Variants in RMND1 observed in about 807,000 individuals in gnomAD.
RMND1 encodes required for meiotic nuclear division 1 homolog, also known as required for meiotic nuclear division protein 1 homolog.
Under a neutral mutation model 54.0 loss-of-function variants are expected in RMND1, and 41 were observed. That is an observed-to-expected ratio of 0.76 (90% confidence interval 0.59 to 0.98). The LOEUF is 0.98. Among genes scored for constraint, RMND1 ranks in the 50% least tolerant of loss-of-function variants. RMND1 has a pLI of 0.00. For synonymous variants in RMND1, 183 were observed against 181.7 expected (o/e 1.01, Z -0.06); for missense variants, 457 against 532.0 (o/e 0.86, Z 1.39).
chr6:151,433,270 G>A (rs1173284058), intron 3 of RMND1, 40 bp from the exon 4 acceptor site: 1 of 1,396,622 alleles, frequency 7.2e-7, no homozygotes, highest in Admixed American at 1.7e-5. Context: ...CTATGTCAAG[G>A]TAACACAAGT....
rs767902517 is a variant in RMND1 at position 151,445,631 on chromosome 6, C to A, written c.181G>T (p.Gly61Cys). ...DLFLPDKTAS[G>C]LNKSQILEMN... The stretch of plus-strand genomic sequence containing the variant: ...TCCAGGATCTGAGACTTATTCAAAC[C>A]ACTAGCTGTTTTATCAGGAAGGAAC... The change falls in exon 2 of 12, where the codon GGT (glycine) becomes TGT (cysteine). Residue 61 changes from glycine (G) to cysteine (C), a missense_variant. By Grantham distance (159) the Gly-to-Cys change is radical. Coordinates refer to ENST00000444024, the MANE Select transcript of RMND1 (RefSeq NM_017909.4). 9 of 1,614,008 alleles carry A rather than the reference C, an allele frequency of 5.6e-6. No homozygotes were observed. Among genetic ancestry groups the A allele is most frequent in the Non-Finnish European group, 7.6e-6 (9 of 1,180,030 alleles).
At position 151,427,488 on chromosome 6, in the gene RMND1, T is replaced by C. The variant is rs1327724909; in HGVS notation, c.824A>G (p.Lys275Arg). 6.3e-7 allele frequency: 1 copy of C among 1,594,966 alleles called. No individual in the cohort carries two copies. The highest frequency in any genetic ancestry group is 8.6e-7 in the Non-Finnish European group (1 of 1,163,260). ...HWENEELNYI[K>R]IEGQSKLHRG... is the part of the protein sequence containing the mutation. ...TTGATGAAAAGTTGCTTACTCTATT[T>C]TTATGTAGTTAAGTTCTTCATTTTC... Residue 275 changes from lysine (K) to arginine (R), a missense_variant, in exon 6 of 12, where the codon AAA becomes AGA. Lys to Arg is a conservative substitution (Grantham distance 26, BLOSUM62 2). Coordinates refer to ENST00000444024, the MANE Select transcript of RMND1 (RefSeq NM_017909.4).
intron 1 of RMND1, among the ~76,000 whole-genome samples, chr6:151,450,810 T>C (rs991197830): frequency 3.0e-4 from 45 of 152,066 alleles, no homozygotes; most frequent in Non-Finnish European, 1.5e-5. Context: ...GCCGTGTCTG[T>C]GTAGAAAGAA....
At chr6:151,431,731 A>G (rs147550354) in intron 4 of RMND1, among the ~76,000 whole-genome samples, 1 of 152,304 alleles carries the variant, frequency 6.6e-6, no homozygotes, top group African/African-American at 2.4e-5. Flanking sequence ...AAGTGAAAAA[A>G]TATCATTATT....
intron 9 of RMND1, among the ~76,000 whole-genome samples, chr6:151,418,045 A>G (rs888460921): frequency 6.6e-6 from 1 of 152,064 alleles, no homozygotes; most frequent in Non-Finnish European, 1.5e-5. Context: ...ACCTCACGTG[A>G]TCTGCCTACC....
chr6:151,442,243 A>C (rs1307229760), intron 2 of RMND1, among the ~76,000 whole-genome samples: 2 of 152,174 alleles, frequency 1.3e-5, no homozygotes, highest in South Asian at 2.1e-4. Context: ...ACAACCTATA[A>C]ATCATTAAAC....
intron 2 of RMND1, among the ~76,000 whole-genome samples, chr6:151,437,052 A>T (rs1490485237): frequency 6.6e-6 from 1 of 152,252 alleles, no homozygotes; most frequent in East Asian, 1.9e-4. Context: ...ACATTTAACA[A>T]AAAGGTCTGT....
rs1562796717 is a variant in RMND1, at chr6:151,436,559, T to C, written c.505-5A>G. 4.3e-6 allele frequency: 7 copies of C among 1,613,426 alleles called. No homozygotes were observed. The highest frequency in any genetic ancestry group is 5.9e-6 in the Non-Finnish European group (7 of 1,179,542). On this transcript the variant is annotated splice_region_variant and splice_polypyrimidine_tract_variant and intron_variant, in intron 2 of 11. Coordinates refer to ENST00000444024, the MANE Select transcript of RMND1 (RefSeq NM_017909.4). The stretch of plus-strand genomic sequence containing the variant: ...TGCTGTGCAGTGCATTAGGTCCTGT[T>C]CCAGGGAAATGAGCATAACATGGGT...
intron 8 of RMND1, among the ~76,000 whole-genome samples, chr6:151,422,199 A>G (rs1184175179): frequency 6.6e-6 from 1 of 152,168 alleles, no homozygotes; most frequent in African/African-American, 2.4e-5. Flanking sequence ...AGAAAAAAGA[A>G]TGGTTGCATC....
chr6:151,424,993 A>G (rs1037015534), intron 6 of RMND1, among the ~76,000 whole-genome samples: 3 of 151,974 alleles, frequency 2.0e-5, no homozygotes, highest in Admixed American at 6.6e-5. Context: ...CCCAGACTGG[A>G]GTGTAGTGGC....
chr6:151,411,241 G>T (rs575012281), intron 10 of RMND1: 2 of 152,426 alleles, frequency 1.3e-5, no homozygotes, highest in Non-Finnish European at 2.9e-5. Flanking sequence ...TTACAGGTGT[G>T]AGCCACCATG....
intron 2 of RMND1, among the ~76,000 whole-genome samples, chr6:151,438,974 C>T (rs974203808): frequency 3.3e-5 from 5 of 152,162 alleles, no homozygotes; most frequent in East Asian, 1.9e-4. Flanking sequence ...ATTAGCCAGG[C>T]GTGGTGGCAC....
rs3736175 is a variant in RMND1, at chr6:151,452,029, G to A, written c.-28C>T. ...CAATACACTAACCTCTCCGCCGGAA[G>A]AGAAGAAGGAAGCGCCAGGGACGCA... On this transcript the variant is annotated 5_prime_UTR_variant, in exon 1 of 12. Coordinates refer to ENST00000444024, the MANE Select transcript of RMND1 (RefSeq NM_017909.4). The A allele has an allele frequency of 0.1, 16,073 of 160,132 alleles. 1,037 individuals are homozygous for A. The highest frequency in any genetic ancestry group is 0.2 in the East Asian group (1,017 of 5,210). 9.9% of individuals were successfully genotyped at this position (160,132 alleles called of 1,614,324 possible).
chr6:151,430,350 T>C (rs1363636556), intron 4 of RMND1, 173 bp from the exon 5 acceptor site: 12 of 507,932 alleles, frequency 2.4e-5, no homozygotes, highest in Non-Finnish European at 3.9e-5. Flanking sequence ...CAATAAGAGC[T>C]AAAATAAAAT....
At chr6:151,406,069 A>G (rs569594968) in intron 10 of RMND1, among the ~76,000 whole-genome samples, 2 of 152,364 alleles carry the variant, frequency 1.3e-5, no homozygotes, top group South Asian at 4.1e-4. Flanking sequence ...ATTTTGATGG[A>G]AGAACTAAAA....
intron 7 of RMND1, 44 bp downstream of exon 7, chr6:151,423,481 A>G (rs776672209): frequency 3.3e-6 from 4 of 1,226,774 alleles, no homozygotes; most frequent in Non-Finnish European, 4.8e-6. Flanking sequence ...CCCTCAGTGA[A>G]ATGACAACTG....
At chr6:151,425,502 G>C (rs1376819879) in intron 6 of RMND1, among the ~76,000 whole-genome samples, 3 of 152,116 alleles carry the variant, frequency 2.0e-5, no homozygotes, top group African/African-American at 7.2e-5. Context: ...GGAAGTATTT[G>C]GTTGGTGCAA....
At chr6:151,439,072 C>G (rs112063558) in intron 2 of RMND1, among the ~76,000 whole-genome samples, 1 of 152,132 alleles carries the variant, frequency 6.6e-6, no homozygotes, top group African/African-American at 2.4e-5. Flanking sequence ...CAAAATTGCA[C>G]CACTGCACTC....
intron 10 of RMND1, among the ~76,000 whole-genome samples, chr6:151,410,312 C>T (rs1416513171): frequency 6.6e-6 from 1 of 152,170 alleles, no homozygotes; most frequent in Non-Finnish European, 1.5e-5. Context: ...TCCTTGGCCT[C>T]CCAAAATGCT....
Sources: allele counts gnomAD v4.1 joint callset (sites outside exome capture counted in the v4.1 genomes callset), GRCh38; gene constraint gnomAD v4.1.1; transcripts MANE v1.5; gene names NCBI Gene and HGNC (gene_info 2026-07-23, HGNC 2026-07-21).